The following GABRB1 variants were observed in gnomAD, a reference collection of about 807,000 sequenced individuals.
GABRB1 encodes gamma-aminobutyric acid receptor subunit beta-1.
Under a neutral mutation model 51.6 loss-of-function variants are expected in GABRB1, and 17 were observed. The observed-to-expected ratio is 0.33, with a 90% confidence interval of 0.23 to 0.49. The LOEUF is 0.49. Among genes scored for constraint, GABRB1 ranks in the 20% least tolerant of loss-of-function variants. The pLI is 0.99. For missense variants in GABRB1, 410 were observed against 600.6 expected, an observed-to-expected ratio of 0.68 and a Z score of 3.32; for synonymous variants, 247 against 218.9, an observed-to-expected ratio of 1.13 and a Z score of -1.14.
chr4:47,085,974 C>T (rs567939260), intron 3 of GABRB1, among the ~76,000 whole-genome samples: 1 of 152,176 alleles, frequency 6.6e-6, no homozygotes, highest in African/African-American at 2.4e-5. Context: ...GAAATAGACT[C>T]CCACCTCTTA....
At chr4:47,169,690 C>CG (rs2109752093) in intron 4 of GABRB1, among the ~76,000 whole-genome samples, 1 of 152,164 alleles carries the variant, frequency 6.6e-6, no homozygotes, top group South Asian at 2.1e-4. Context: ...TTTGTAGAAA[C>CG]GGGGTTTCAT....
At chr4:47,202,093 T>TATAATTTCCATAATCCCC (rs1439190323) in intron 4 of GABRB1, among the ~76,000 whole-genome samples, 12 of 152,228 alleles carry the variant, frequency 7.9e-5, no homozygotes, top group Non-Finnish European at 1.6e-4. Flanking sequence ...CCATAATCCC[T>TATAATTTCCATAATCCCC]ATAATTTCCA....
intron 3 of GABRB1, among the ~76,000 whole-genome samples, chr4:47,149,212 C>T (rs1293307056): frequency 6.6e-6 from 1 of 151,846 alleles, no homozygotes; most frequent in Non-Finnish European, 1.5e-5. Context: ...CAGAAACAGA[C>T]AGAAATTATT....
chr4:47,350,212 T>TAGAG (rs778764022), intron 5 of GABRB1, among the ~76,000 whole-genome samples: 877 of 85,376 alleles, frequency 0.01, 4 homozygotes, highest in Non-Finnish European at 0.012. Context: ...TATATATATA[T>TAGAG]ATATATAGAG....
At chr4:47,311,192 G>A (rs1263496621) in intron 4 of GABRB1, among the ~76,000 whole-genome samples, 6 of 151,592 alleles carry the variant, frequency 4.0e-5, no homozygotes, top group Non-Finnish European at 5.9e-5. Context: ...TCAGGAGTTC[G>A]AGACCAGCCT....
chr4:47,288,782 A>G (rs1723611542), intron 4 of GABRB1, among the ~76,000 whole-genome samples: 1 of 152,168 alleles, frequency 6.6e-6, no homozygotes, highest in South Asian at 2.1e-4. Context: ...CACAACTGAG[A>G]AAAGAGGAAA....
intron 4 of GABRB1, among the ~76,000 whole-genome samples, chr4:47,251,163 C>T (rs1260116414): frequency 6.6e-6 from 1 of 152,276 alleles, no homozygotes; most frequent in East Asian, 1.9e-4. Context: ...CACTCTCCCC[C>T]TTTTCCTATG....
intron 3 of GABRB1, among the ~76,000 whole-genome samples, chr4:47,105,722 C>T (rs1160177825): frequency 1.3e-5 from 2 of 152,090 alleles, no homozygotes; most frequent in South Asian, 2.1e-4. Flanking sequence ...TCTTGTCCTT[C>T]GTGCAGCAGA....
chr4:47,022,591 G>A (rs757069252), intron 1 of GABRB1, among the ~76,000 whole-genome samples: 2 of 151,906 alleles, frequency 1.3e-5, no homozygotes, highest in Non-Finnish European at 2.9e-5. Context: ...AAATCAAAAT[G>A]ACAATGAGAT....
intron 4 of GABRB1, among the ~76,000 whole-genome samples, chr4:47,250,829 T>A (rs575556211): frequency 3.3e-5 from 5 of 152,198 alleles, no homozygotes; most frequent in Non-Finnish European, 7.4e-5. Flanking sequence ...TCTATTTCCT[T>A]GAATGGTTCT....
intron 4 of GABRB1, among the ~76,000 whole-genome samples, chr4:47,202,996 A>T (rs1719949868): frequency 6.6e-6 from 1 of 152,124 alleles, no homozygotes; most frequent in Non-Finnish European, 1.5e-5. Flanking sequence ...AAGGCTTGGA[A>T]CGGAAAAGAA....
At chr4:47,219,514 T>C (rs1224589332) in intron 4 of GABRB1, among the ~76,000 whole-genome samples, 2 of 151,948 alleles carry the variant, frequency 1.3e-5, no homozygotes, top group African/African-American at 4.8e-5. Flanking sequence ...GCTAAACTTA[T>C]TTATTACATT....
intron 7 of GABRB1, among the ~76,000 whole-genome samples, chr4:47,405,177 C>T (rs890675693): frequency 1.3e-5 from 2 of 152,078 alleles, no homozygotes; most frequent in Non-Finnish European, 2.9e-5. Context: ...ATAAGAAAGA[C>T]CACTCATTAT....
At chr4:47,275,923 A>G (rs1723058879) in intron 4 of GABRB1, among the ~76,000 whole-genome samples, 1 of 152,158 alleles carries the variant, frequency 6.6e-6, no homozygotes, top group African/African-American at 2.4e-5. Context: ...ATATACATGG[A>G]CAGGCTTTGG....
At chr4:47,240,964 T>C (rs552546094) in intron 4 of GABRB1, among the ~76,000 whole-genome samples, 31 of 152,314 alleles carry the variant, frequency 2.0e-4, no homozygotes, top group African/African-American at 7.5e-4. Flanking sequence ...CTCATTAAAA[T>C]GGCCTATGTG....
chr4:47,173,282 G>A (rs1718521838), intron 4 of GABRB1, among the ~76,000 whole-genome samples: 1 of 152,154 alleles, frequency 6.6e-6, no homozygotes, highest in Non-Finnish European at 1.5e-5. Flanking sequence ...CAGTAACTAA[G>A]TGGAATCTGA....
At chr4:47,063,736 G>T (rs1726937474) in intron 3 of GABRB1, among the ~76,000 whole-genome samples, 1 of 152,122 alleles carries the variant, frequency 6.6e-6, no homozygotes, top group Admixed American at 6.6e-5. Flanking sequence ...CATGTTCTTT[G>T]CAGGGATATG....
At chr4:47,081,791 A>G (rs1727856318) in intron 3 of GABRB1, among the ~76,000 whole-genome samples, 1 of 152,058 alleles carries the variant, frequency 6.6e-6, no homozygotes, top group African/African-American at 2.4e-5. Flanking sequence ...TTAGTAGGGC[A>G]ATATATATCT....
At chr4:47,268,762 A>G (rs1258157850) in intron 4 of GABRB1, among the ~76,000 whole-genome samples, 1 of 152,226 alleles carries the variant, frequency 6.6e-6, no homozygotes, top group African/African-American at 2.4e-5. Flanking sequence ...GCTTATTACT[A>G]TCAGCTAGCT....
Sources: allele counts gnomAD v4.1 joint callset (sites outside exome capture counted in the v4.1 genomes callset), GRCh38; gene constraint gnomAD v4.1.1; transcripts MANE v1.5; gene names NCBI Gene and HGNC (gene_info 2026-07-23, HGNC 2026-07-21).